Variants in GLIPR1L2 observed in about 807,000 individuals in gnomAD.
GLIPR1L2 encodes GLIPR1 like 2, also known as GLIPR1-like protein 2.
GLIPR1L2 carries 21 observed loss-of-function variants against 28.4 expected under a neutral mutation model. The observed-to-expected ratio is 0.74, with a 90% confidence interval of 0.52 to 1.06. GLIPR1L2 has a LOEUF of 1.06. Among genes scored for constraint, GLIPR1L2 ranks in the 50% least tolerant of loss-of-function variants. The pLI is 0.00. For synonymous variants in GLIPR1L2, 145 were observed against 139.3 expected (o/e 1.04, Z -0.29); for missense variants, 476 against 416.9 (o/e 1.14, Z -1.23).
At chr12:75,407,760 T>A (rs535229798) in intron 1 of GLIPR1L2, among the ~76,000 whole-genome samples, 1 of 152,188 alleles carries the variant, frequency 6.6e-6, no homozygotes, top group East Asian at 1.9e-4. Flanking sequence ...GGATAAGACC[T>A]AGTTTTTGCA....
At chr12:75,423,024 T>C (rs1186276131) in intron 4 of GLIPR1L2, 35 bp downstream of exon 4, 2 of 1,595,520 alleles carry the variant, frequency 1.3e-6, no homozygotes, top group African/African-American at 1.4e-5. Context: ...AAAAAATGCA[T>C]AATGGATTGG....
intron 1 of GLIPR1L2, among the ~76,000 whole-genome samples, chr12:75,403,395 C>T (rs901158466): frequency 6.6e-6 from 1 of 152,090 alleles, no homozygotes; most frequent in Non-Finnish European, 1.5e-5. Context: ...AGATTCACTT[C>T]CTGAGTCCTA....
chr12:75,419,826 A>G (rs1463095083), intron 3 of GLIPR1L2, among the ~76,000 whole-genome samples: 2 of 152,234 alleles, frequency 1.3e-5, no homozygotes, highest in African/African-American at 4.8e-5. Flanking sequence ...AACAGAGTTC[A>G]TACTTTCGTT....
chr12:75,421,279 T>A (rs1349560933), intron 3 of GLIPR1L2, among the ~76,000 whole-genome samples: 1 of 152,146 alleles, frequency 6.6e-6, no homozygotes, highest in Non-Finnish European at 1.5e-5. Flanking sequence ...AATAGAACAG[T>A]GAAATTGAAG....
intron 2 of GLIPR1L2, among the ~76,000 whole-genome samples, chr12:75,412,498 GA>G (rs1428329216): frequency 1.3e-5 from 2 of 151,772 alleles, no homozygotes; most frequent in African/African-American, 2.4e-5. Context: ...AAATTTACAA[GA>G]AAAAAACAAA....
chr12:75,400,623 G>A (rs185360506), intron 1 of GLIPR1L2, among the ~76,000 whole-genome samples: 1 of 152,240 alleles, frequency 6.6e-6, no homozygotes, highest in African/African-American at 2.4e-5. Context: ...ACTTCTCAAT[G>A]ATTTTATGTG....
intron 3 of GLIPR1L2, among the ~76,000 whole-genome samples, chr12:75,420,152 T>C (rs1362379506): frequency 1.3e-5 from 2 of 152,232 alleles, no homozygotes; most frequent in Admixed American, 6.5e-5. Flanking sequence ...ATCTGTTTCA[T>C]GTGCTTTGGC....
chr12:75,391,676 T>G (rs943454903), intron 1 of GLIPR1L2: 1 of 550,654 alleles, frequency 1.8e-6, no homozygotes. Context: ...TGCAAAAATA[T>G]CAATATCAAG....
At position 75,391,197 on chromosome 12, in the gene GLIPR1L2, G is replaced by T; in HGVS notation, c.81G>T (p.Arg27=). ...PLAVGGVLKL[R]LCELWLLLLG... ...CAGTAGGGGGCGTTTTGAAGCTGCG[G>T]CTCTGTGAGCTGTGGCTACTGCTAC... Residue 27 remains arginine (R), a synonymous_variant, in exon 1 of 6, where the codon CGG becomes CGT. Coordinates refer to ENST00000550916, the MANE Select transcript of GLIPR1L2 (RefSeq NM_001270396.2). 6.2e-7 allele frequency: 1 copy of T among 1,614,230 alleles called. No homozygotes were observed. The highest frequency in any genetic ancestry group is 8.5e-7 in the Non-Finnish European group (1 of 1,180,032).
At chr12:75,418,720 C>G (rs917935283) in intron 3 of GLIPR1L2, among the ~76,000 whole-genome samples, 2 of 152,102 alleles carry the variant, frequency 1.3e-5, no homozygotes, top group African/African-American at 4.8e-5. Context: ...TGAAGAAAGT[C>G]AGTAGTAGCT....
chr12:75,418,979 C>T (rs1271813129), intron 3 of GLIPR1L2, among the ~76,000 whole-genome samples: 1 of 151,734 alleles, frequency 6.6e-6, no homozygotes, highest in Non-Finnish European at 1.5e-5. Flanking sequence ...CACATGGACA[C>T]AGGGAGGGGA....
intron 1 of GLIPR1L2, among the ~76,000 whole-genome samples, chr12:75,401,739 T>C (rs2045744060): frequency 6.6e-6 from 1 of 152,012 alleles, no homozygotes; most frequent in Admixed American, 6.6e-5. Flanking sequence ...AACTAAGGAA[T>C]TAAGCAACAT....
Position 75,413,695 on chromosome 12 carries a change from C to T in GLIPR1L2, c.578C>T (p.Ala193Val), listed in dbSNP as rs550463995. ...IHAAIFICNY[A>V]PGGTLTRRPY... ...GCAGCAATTTTCATATGCAACTATGCGCCAGGGTAAGTTACTTAAAATTAA... is the reference window on the plus strand; with the variant it reads ...GCAGCAATTTTCATATGCAACTATGTGCCAGGGTAAGTTACTTAAAATTAA... Residue 193 changes from alanine (A) to valine (V), a missense_variant, in exon 3 of 6, where the codon GCG (alanine) becomes GTG (valine). Physicochemically the swap from Ala to Val is moderately conservative, Grantham distance 64 (BLOSUM62 0). Transcript: ENST00000550916. 5.3e-5 allele frequency: 76 copies of T among 1,430,860 alleles called. No individual in the cohort carries two copies. The highest frequency in any genetic ancestry group is 3.8e-4 in the Middle Eastern group (2 of 5,218). The allele number at this position is 1,430,860 out of a possible 1,614,324, so 88.6% of individuals were successfully genotyped here.
At chr12:75,409,810 GATATATATAAGATGTATATCTAATCCGAT>G (rs2045845998) in intron 1 of GLIPR1L2, among the ~76,000 whole-genome samples, 1 of 139,994 alleles carries the variant, frequency 7.1e-6, no homozygotes, top group African/African-American at 2.6e-5. Flanking sequence ...TATCTAATCT[GATATATATAAGATGTATATCTAATCCGAT>G]ATATATATAA....
At chr12:75,419,482 A>G (rs978476570) in intron 3 of GLIPR1L2, among the ~76,000 whole-genome samples, 2 of 152,172 alleles carry the variant, frequency 1.3e-5, no homozygotes, top group African/African-American at 2.4e-5. Context: ...TATCCATATG[A>G]ATGTTGTGAT....
At chr12:75,428,529 T>TA (rs1491120020) in intron 4 of GLIPR1L2, among the ~76,000 whole-genome samples, 6 of 120,332 alleles carry the variant, frequency 5.0e-5, no homozygotes, top group Admixed American at 2.0e-4. Context: ...TATATATATA[T>TA]TTTTTTTTCT....
chr12:75,427,919 TC>T (rs1305387937), intron 4 of GLIPR1L2, among the ~76,000 whole-genome samples: 6 of 152,336 alleles, frequency 3.9e-5, no homozygotes, highest in African/African-American at 1.4e-4. Context: ...CAATTAAACC[TC>T]CTTTCTTTGT....
intron 3 of GLIPR1L2, among the ~76,000 whole-genome samples, chr12:75,419,107 C>A (rs1320228940): frequency 6.6e-6 from 1 of 151,944 alleles, no homozygotes; most frequent in African/African-American, 2.4e-5. Flanking sequence ...ACATGTATAC[C>A]TATGTAACAA....
chr12:75,418,554 G>A (rs1392402862), intron 3 of GLIPR1L2, among the ~76,000 whole-genome samples: 2 of 152,094 alleles, frequency 1.3e-5, no homozygotes, highest in Admixed American at 6.6e-5. Flanking sequence ...GATATGTGGC[G>A]TTATTCCTGA....
Sources: gnomAD v4.1 joint callset for allele counts (sites outside exome capture counted in the v4.1 genomes callset) on GRCh38, gnomAD v4.1.1 for gene constraint, MANE v1.5 for transcripts, NCBI Gene and HGNC (gene_info 2026-07-23, HGNC 2026-07-21) for gene names.